PSMD2: variants seen among roughly 807,000 people sequenced by gnomAD.
PSMD2 encodes 26S proteasome non-ATPase regulatory subunit 2.
In PSMD2, 8 loss-of-function variants were observed where a neutral mutation model predicts 101.5. The ratio of observed to expected loss-of-function variants is 0.08; its 90% CI spans 0.05 to 0.14. The LOEUF is 0.14. PSMD2 is among the 10% of genes least tolerant of loss of function. The pLI, the probability that PSMD2 is intolerant of heterozygous loss-of-function variation, is 1.00. For missense variants in PSMD2, 784 were observed against 1,147.4 expected (o/e 0.68, Z 4.58); for synonymous variants, 418 against 433.8 (o/e 0.96, Z 0.45).
intron 3 of PSMD2, 43 bp downstream of exon 3, chr3:184,300,487 C>G (rs2044935447): frequency 5.6e-6 from 9 of 1,593,288 alleles, no homozygotes; most frequent in Non-Finnish European, 7.7e-6. Context: ...TTTAGGAATT[C>G]CTTTTTACCC....
In PSMD2 at chr3:184,299,295, C is replaced by T. The variant is rs1271399136; in HGVS notation, c.29C>T (p.Pro10Leu). ...GAGGAGGGAGGCCGGGACAAGGCGCCGGTGCAGCCCCAGCAGTCTCCAGCG... is the reference window on the plus strand; with the variant it reads ...GAGGAGGGAGGCCGGGACAAGGCGCTGGTGCAGCCCCAGCAGTCTCCAGCG... MEEGGRDKAPVQPQQSPAAA... is the reference protein window; with the variant it reads MEEGGRDKALVQPQQSPAAA... Residue 10 changes from proline (P) to leucine (L), a missense_variant, in exon 1 of 21, where the codon CCG (proline) becomes CTG (leucine). Physicochemically the swap from Pro to Leu is moderately conservative, Grantham distance 98. Transcript: ENST00000310118. The T allele has an allele frequency of 1.0e-5, 14 of 1,372,838 alleles. No homozygotes were observed. Among genetic ancestry groups the T allele is most frequent in the Admixed American group, 7.0e-5 (2 of 28,734 alleles). The allele number at this position is 1,372,838 out of a possible 1,614,324, so 85.0% of individuals were successfully genotyped here.
chr3:184,308,315 T>C lies in PSMD2; in HGVS notation c.2426-134T>C. 3.6e-6 allele frequency: 3 copies of C among 830,228 alleles called. No individual in the cohort carries two copies. Among genetic ancestry groups the C allele is most frequent in the Non-Finnish European group, 5.8e-6 (3 of 521,582 alleles). 51.4% of individuals were successfully genotyped at this position (830,228 alleles called of 1,614,324 possible). ...GGGGCGTCTCTGGTTCGTAGTAGGG[T>C]GTATGAGGGGAGGAGTGTGGATTCA... is the stretch of plus-strand genomic sequence containing the variant. On this transcript the variant is annotated intron_variant, in intron 19 of 20. Coordinates refer to ENST00000310118, the MANE Select transcript of PSMD2 (RefSeq NM_002808.5). The surrounding 1 kb of genome is among the most constrained non-coding windows in gnomAD (Gnocchi z 6.0).
At position 184,302,001 on chromosome 3, in the gene PSMD2, G is replaced by C. The variant is rs773453167; in HGVS notation, c.634G>C (p.Glu212Gln). ...HEACDLLMEIEQVDMLEKDID... is the reference protein window; with the variant it reads ...HEACDLLMEIQQVDMLEKDID... ...GGCTTGCGACCTGCTTATGGAAATT[G>C]AGCAGGTGGACATGCTGGAGAAGGA... Residue 212 changes from glutamate to glutamine, a missense_variant, in exon 5 of 21, where the codon GAG (glutamate) becomes CAG (glutamine). Physicochemically the swap from Glu to Gln is conservative, Grantham distance 29. Coordinates refer to ENST00000310118, the MANE Select transcript of PSMD2 (RefSeq NM_002808.5). The C allele has an allele frequency of 6.2e-7, 1 of 1,614,188 alleles. No homozygotes were observed. Among genetic ancestry groups the C allele is most frequent in the Non-Finnish European group, 8.5e-7 (1 of 1,180,026 alleles).
In PSMD2 at chr3:184,301,688, G is replaced by C. The variant is rs200804896; in HGVS notation, c.479+30G>C. 33 of 1,613,274 alleles carry C rather than the reference G, an allele frequency of 2.0e-5. No homozygotes were observed. In the East Asian group the frequency reaches 6.5e-4, roughly 32 times the overall value. ...GATCTTTCTTCTTGGGAATCCGAAG[G>C]GGGCTCTGAGGCTCTGAGATAATTC... On this transcript the variant is annotated intron_variant, in intron 4 of 20. Coordinates refer to ENST00000310118, the MANE Select transcript of PSMD2 (RefSeq NM_002808.5).
intron 17 of PSMD2, 42 bp downstream of exon 17, chr3:184,307,567 A>G: frequency 1.2e-6 from 2 of 1,614,042 alleles, no homozygotes; most frequent in Non-Finnish European, 1.7e-6. Flanking sequence ...GATTGGGGGA[A>G]GATTTGAAGC....
chr3:184,305,208 G>C (rs1210236678), intron 12 of PSMD2, among the ~76,000 whole-genome samples: 2 of 152,074 alleles, frequency 1.3e-5, no homozygotes, highest in Non-Finnish European at 2.9e-5. Context: ...CCATAAAAGG[G>C]GATAACAGCC....
At position 184,305,761 on chromosome 3, in the gene PSMD2, C is replaced by T. The variant is rs1577159399; in HGVS notation, c.1540-7C>T. 1 of 1,612,520 alleles carries T rather than the reference C, an allele frequency of 6.2e-7. No individual in the cohort carries two copies. Among genetic ancestry groups the T allele is most frequent in the Non-Finnish European group, 8.5e-7 (1 of 1,179,400 alleles). ...ACTCTGTGTAATACTGATTTTCCTA[C>T]CTCTAGGTGGCAGGTGTCACAGCTT... is the stretch of plus-strand genomic sequence containing the variant. On this transcript the variant is annotated splice_region_variant and splice_polypyrimidine_tract_variant and intron_variant, in intron 12 of 20. Transcript: ENST00000310118.
chr3:184,302,227 T>G, intron 5 of PSMD2, 143 bp from the exon 6 acceptor site: 1 of 1,154,228 alleles, frequency 8.7e-7, no homozygotes, highest in Non-Finnish European at 1.2e-6. Context: ...GACAGAGACT[T>G]TGTGTCTTCT....
chr3:184,302,376 G>A lies in PSMD2; in HGVS notation c.711G>A (p.Val237=). The A allele has an allele frequency of 6.2e-7, 1 of 1,611,362 alleles. No homozygotes were observed. The highest frequency in any genetic ancestry group is 8.5e-7 in the Non-Finnish European group (1 of 1,179,128). The stretch of plus-strand genomic sequence containing the variant: ...GTTACTTTTACTTTTGTAGTTGTGT[G>A]AATTACGTGCCTGAGCCTGAGAACT... ...AKVCLYLTSC[V]NYVPEPENSA... The change falls in exon 6 of 21, where the codon GTG becomes GTA. Residue 237 remains valine (V), a synonymous_variant. Transcript: ENST00000310118.
chr3:184,300,095 A>G (rs1261679787), intron 2 of PSMD2, among the ~76,000 whole-genome samples, 185 bp from the exon 3 acceptor site: 1 of 152,206 alleles, frequency 6.6e-6, no homozygotes, highest in Non-Finnish European at 1.5e-5. Flanking sequence ...GGAGAAGCAG[A>G]GTTCTTACCT....
In PSMD2 at chr3:184,306,026, C is replaced by T; in HGVS notation, c.1703-28C>T. ...GGCTGTGCTGGATGGAGGCAAGTAT[C>T]CTCTGACCCCTTGAATCTGTCCTGT... On this transcript the variant is annotated intron_variant, in intron 13 of 20. Coordinates refer to ENST00000310118, the MANE Select transcript of PSMD2 (RefSeq NM_002808.5). The T allele has an allele frequency of 1.9e-6, 3 of 1,613,870 alleles. 1 individual carries two copies. Among genetic ancestry groups the T allele is most frequent in the South Asian group, 2.2e-5 (2 of 91,072 alleles).
chr3:184,300,052 G>C (rs1176724481), intron 2 of PSMD2, 145 bp downstream of exon 2: 5 of 902,970 alleles, frequency 5.5e-6, no homozygotes, highest in Admixed American at 2.1e-5. Context: ...AGTTACAAAG[G>C]GTATTTGTAC....
rs763715531 is a variant in PSMD2, at chr3:184,301,940, C to T, written c.573C>T (p.Ile191=). 15 of 1,614,076 alleles carry T rather than the reference C, an allele frequency of 9.3e-6. No homozygotes were observed. The South Asian group carries it at 9.9e-5, about 11-fold the overall frequency. The change falls in exon 5 of 21, where the codon ATC becomes ATT. Residue 191 remains isoleucine, a synonymous_variant. Coordinates refer to ENST00000310118, the MANE Select transcript of PSMD2 (RefSeq NM_002808.5). ...REPLLTLVKE[I]VPYNMAHNAE... ...CTCTGCTCACTCTGGTGAAGGAAAT[C>T]GTCCCCTATAACATGGCCCACAATG...
rs1721925938 is a variant in PSMD2 at position 184,308,607 on chromosome 3, T to A, written c.2544+40T>A. 6.3e-7 allele frequency: 1 copy of A among 1,593,844 alleles called. No individual in the cohort carries two copies. The highest frequency in any genetic ancestry group is 1.3e-5 in the African/African-American group (1 of 74,404). ...AGAGGGGAGGGCTCAGGCTGTATTC[T>A]CAAACTGGAGAATGTACATATACTT... On this transcript the variant is annotated intron_variant, in intron 20 of 20. Coordinates refer to ENST00000310118, the MANE Select transcript of PSMD2 (RefSeq NM_002808.5). This position sits in a 1 kb window ranked among gnomAD's most constrained non-coding sequence, Gnocchi z 6.0.
Position 184,304,267 on chromosome 3 carries a change from G to C in PSMD2, c.1452-37G>C. On this transcript the variant is annotated intron_variant, in intron 11 of 20. Transcript: ENST00000310118. The surrounding 1 kb of genome is among the most constrained non-coding windows in gnomAD (Gnocchi z 4.1). ...TGTTCTTTTCTTGCTGCATCGTTGG[G>C]TATGTGTTGGGGACCGCCTTTCCAT... 6.3e-7 allele frequency: 1 copy of C among 1,596,854 alleles called. No individual in the cohort carries two copies. The highest frequency in any genetic ancestry group is 8.6e-7 in the Non-Finnish European group (1 of 1,164,218).
chr3:184,300,721 C>T (rs959127145), intron 3 of PSMD2: 61 of 1,030,316 alleles, frequency 5.9e-5, no homozygotes, highest in Non-Finnish European at 6.8e-5. Flanking sequence ...TTTCTTCTAT[C>T]CCATATACAT....
At position 184,308,483 on chromosome 3, in the gene PSMD2, G is replaced by A. The variant is rs763602660; in HGVS notation, c.2460G>A (p.Gly820=). The change falls in exon 20 of 21, where the codon GGG becomes GGA. Residue 820 remains glycine, a synonymous_variant. Transcript: ENST00000310118. The surrounding 1 kb of genome is among the most constrained non-coding windows in gnomAD (Gnocchi z 6.0). ...GCAAATCACACTATGTATTGTATGG[G>A]CTGGTGGCTGCCATGCAGCCCCGAA... ...ILGKSHYVLY[G]LVAAMQPRML... is the part of the protein sequence containing the mutation. 6.2e-7 allele frequency: 1 copy of A among 1,612,386 alleles called. No individual in the cohort carries two copies. The highest frequency in any genetic ancestry group is 1.1e-5 in the South Asian group (1 of 90,996).
At chr3:184,307,318 T>C (rs1277080407) in intron 16 of PSMD2, 39 bp from the exon 17 acceptor site, 1 of 1,605,276 alleles carries the variant, frequency 6.2e-7, no homozygotes, top group East Asian at 2.2e-5. Flanking sequence ...TTGTTTTTAC[T>C]GCATTCCGCC....
chr3:184,300,868 C>T (rs780502375), intron 3 of PSMD2, among the ~76,000 whole-genome samples: 2 of 152,038 alleles, frequency 1.3e-5, no homozygotes, highest in Non-Finnish European at 2.9e-5. Flanking sequence ...GTGCTTTGTT[C>T]CTACACAGTC....
Sources: allele counts gnomAD v4.1 joint callset (sites outside exome capture counted in the v4.1 genomes callset), GRCh38; gene constraint gnomAD v4.1.1; non-coding constraint Gnocchi (gnomAD v3.1); transcripts MANE v1.5; gene names NCBI Gene and HGNC (gene_info 2026-07-23, HGNC 2026-07-21).